GABRG3: variants seen among roughly 807,000 people sequenced by gnomAD.
The protein encoded by GABRG3 is gamma-aminobutyric acid receptor subunit gamma-3.
Under a neutral mutation model 48.8 loss-of-function variants are expected in GABRG3, and 25 were observed. That is an observed-to-expected ratio of 0.51 (90% CI 0.37 to 0.72). The LOEUF (loss-of-function observed/expected upper bound fraction) is 0.72, where lower values mean the gene tolerates loss of function less well. Among genes scored for constraint, GABRG3 ranks in the 30% least tolerant of loss-of-function variants. The pLI, the probability that GABRG3 is intolerant of heterozygous loss-of-function variation, is 0.00. For missense variants in GABRG3, 394 were observed against 577.9 expected (o/e 0.68, Z 3.26); for synonymous variants, 227 against 217.6 (o/e 1.04, Z -0.38).
intron 7 of GABRG3, 63 bp from the exon 8 acceptor site, chr15:27,527,370 A>T: frequency 6.7e-7 from 1 of 1,499,198 alleles, no homozygotes; most frequent in Non-Finnish European, 9.2e-7. Flanking sequence ...GATGTGGGTG[A>T]CCGTCTGGGA....
intron 3 of GABRG3, among the ~76,000 whole-genome samples, chr15:27,250,266 C>T (rs1890412040): frequency 6.6e-6 from 1 of 152,204 alleles, no homozygotes. Flanking sequence ...GCTCTGATCA[C>T]CTCCAGACCC....
chr15:27,358,873 C>T (rs970703271), intron 5 of GABRG3, among the ~76,000 whole-genome samples: 8 of 152,172 alleles, frequency 5.3e-5, no homozygotes, highest in Admixed American at 4.6e-4. Flanking sequence ...GTTTGAGCAC[C>T]CTGAAGCTCC....
chr15:27,459,697 A>G (rs1889391265), intron 5 of GABRG3, among the ~76,000 whole-genome samples: 1 of 152,230 alleles, frequency 6.6e-6, no homozygotes, highest in South Asian at 2.1e-4. Flanking sequence ...ATCAAAGTGA[A>G]AATTTCAACA....
rs1566769768 is a variant in GABRG3 at position 27,307,006 on chromosome 15, G to GTTTATATATAAACATATAA, written c.271-19802_271-19801insTTATATATAAACATATAAT. Among the ~76,000 whole-genome samples, 2 of 78,598 alleles carry GTTTATATATAAACATATAA rather than the reference G, an allele frequency of 2.5e-5. 1 individual carries two copies. Among genetic ancestry groups the GTTTATATATAAACATATAA allele is most frequent in the Admixed American group, 2.6e-4 (2 of 7,740 alleles). 51.6% of individuals were successfully genotyped at this position (78,598 alleles called of 152,430 possible). A position where few individuals can be genotyped will look rare whatever the true frequency, so the allele number is the denominator to read the frequency against. On this transcript the variant is annotated intron_variant, in intron 3 of 9. Transcript: ENST00000615808. ...TATAAACATGTTTATATATAAACAT[G>GTTTATATATAAACATATAA]TATAAACATGTTTATATATAAACAT...
At chr15:27,065,050 G>C (rs1349460000) in intron 3 of GABRG3, among the ~76,000 whole-genome samples, 4 of 152,126 alleles carry the variant, frequency 2.6e-5, no homozygotes, top group Non-Finnish European at 4.4e-5. Context: ...GGTGCCGTGT[G>C]GTGGGCTCCT....
At chr15:27,332,821 G>A (rs1380386540) in intron 5 of GABRG3, among the ~76,000 whole-genome samples, 1 of 152,188 alleles carries the variant, frequency 6.6e-6, no homozygotes, top group Admixed American at 6.5e-5. Flanking sequence ...TATGCACAGA[G>A]ATGAGGTGGT....
At chr15:27,308,298 CATCAT>C (rs199687797) in intron 3 of GABRG3, among the ~76,000 whole-genome samples, 2,253 of 120,830 alleles carry the variant, frequency 0.019, 145 homozygotes, top group African/African-American at 0.096. Context: ...TATATATAAA[CATCAT>C]ATAAACATAT....
intron 2 of GABRG3, among the ~76,000 whole-genome samples, chr15:26,980,785 A>G (rs1895039524): frequency 6.6e-6 from 1 of 151,334 alleles, no homozygotes; most frequent in South Asian, 2.1e-4. Flanking sequence ...ATTTCATCCC[A>G]TGAATTTTGG....
At chr15:27,228,512 G>A (rs1375737365) in intron 3 of GABRG3, among the ~76,000 whole-genome samples, 3 of 152,164 alleles carry the variant, frequency 2.0e-5, no homozygotes, top group Non-Finnish European at 2.9e-5. Context: ...TGTGAACAGC[G>A]CTGCAATGAA....
At chr15:27,209,493 C>T (rs181501595) in intron 3 of GABRG3, among the ~76,000 whole-genome samples, 128 of 152,056 alleles carry the variant, frequency 8.4e-4, no homozygotes, top group African/African-American at 2.8e-3. Context: ...TTTTGGTCTA[C>T]GCAAGCAATG....
intron 3 of GABRG3, among the ~76,000 whole-genome samples, chr15:27,186,107 A>G (rs565449963): frequency 2.0e-5 from 3 of 150,928 alleles, no homozygotes; most frequent in South Asian, 2.1e-4. Flanking sequence ...GGGTTGGAGT[A>G]TGAATCAATC....
Position 27,537,609 on chromosome 15 carries a change from A to C in GABRG3, c.*4728A>C, listed in dbSNP as rs2150868664. 1 of 151,864 alleles carries C rather than the reference A, an allele frequency of 6.6e-6. No individual in the cohort carries two copies. The highest frequency in any genetic ancestry group is 1.5e-5 in the Non-Finnish European group (1 of 68,016). The allele number at this position is 151,864 out of a possible 1,614,324, so 9.4% of individuals were successfully genotyped here. On this transcript the variant is annotated 3_prime_UTR_variant, in exon 10 of 10. Transcript: ENST00000615808. ...GTGTATGTTTTGAGATGATTTGGTA[A>C]GAACTCAGCCATTCAGTATTTCTGG... is the stretch of plus-strand genomic sequence containing the variant.
At chr15:27,416,082 C>A (rs1404730636) in intron 5 of GABRG3, among the ~76,000 whole-genome samples, 2 of 152,194 alleles carry the variant, frequency 1.3e-5, no homozygotes, top group Non-Finnish European at 2.9e-5. Flanking sequence ...TTAACTTGAG[C>A]AAAGTAAACT....
intron 5 of GABRG3, among the ~76,000 whole-genome samples, chr15:27,353,113 A>G (rs1894682841): frequency 6.6e-6 from 1 of 152,068 alleles, no homozygotes; most frequent in South Asian, 2.1e-4. Context: ...CTGTCTTTGT[A>G]GGGACCCTGG....
chr15:27,349,754 A>G (rs1438113190), intron 5 of GABRG3, among the ~76,000 whole-genome samples: 6 of 152,152 alleles, frequency 3.9e-5, no homozygotes, highest in Non-Finnish European at 8.8e-5. Flanking sequence ...TTATCAAATA[A>G]TTACAGAGGA....
At chr15:26,990,525 A>C (rs1285548040) in intron 2 of GABRG3, among the ~76,000 whole-genome samples, 1 of 152,044 alleles carries the variant, frequency 6.6e-6, no homozygotes, top group African/African-American at 2.4e-5. Flanking sequence ...CTGGCTATTA[A>C]TCTCTTGTCA....
chr15:27,004,892 G>C (rs2140661230), intron 2 of GABRG3, among the ~76,000 whole-genome samples: 1 of 152,244 alleles, frequency 6.6e-6, no homozygotes, highest in East Asian at 1.9e-4. Context: ...GCGGGAGTCA[G>C]CTGGGCTGGA....
At chr15:27,267,017 A>G (rs551074583) in intron 3 of GABRG3, among the ~76,000 whole-genome samples, 1 of 151,894 alleles carries the variant, frequency 6.6e-6, no homozygotes, top group Admixed American at 6.6e-5. Flanking sequence ...CATTGGCTAG[A>G]ACCTTCAATA....
At chr15:27,392,724 C>T (rs762873709) in intron 5 of GABRG3, among the ~76,000 whole-genome samples, 57 of 152,158 alleles carry the variant, frequency 3.7e-4, no homozygotes, top group Non-Finnish European at 7.3e-4. Flanking sequence ...GTAAATTTGT[C>T]CTTCTCCCTC....
Sources: gnomAD v4.1 joint callset for allele counts (sites outside exome capture counted in the v4.1 genomes callset) on GRCh38, gnomAD v4.1.1 for gene constraint, MANE v1.5 for transcripts, NCBI Gene and HGNC (gene_info 2026-07-23, HGNC 2026-07-21) for gene names.